Variants in SCAPER observed in about 807,000 individuals in gnomAD.
SCAPER encodes the protein S-phase cyclin A associated protein in the ER, also known as S phase cyclin A-associated protein in the endoplasmic reticulum.
A neutral mutation model predicts 182.2 loss-of-function variants in SCAPER; 98 were observed. The ratio of observed to expected loss-of-function variants is 0.54; its 90% CI spans 0.46 to 0.64. The LOEUF is 0.64. SCAPER is among the 30% of genes least tolerant of loss of function. SCAPER has a pLI of 0.00. For synonymous variants in SCAPER, 605 were observed against 564.6 expected (o/e 1.07, Z -1.01); for missense variants, 1,432 against 1,690.0 (o/e 0.85, Z 2.68).
intron 25 of SCAPER, among the ~76,000 whole-genome samples, chr15:76,455,053 C>T (rs1026067622): frequency 2.0e-5 from 3 of 151,950 alleles, no homozygotes; most frequent in Non-Finnish European, 4.4e-5. Context: ...GTTAAATTTC[C>T]CATTTTATTC....
Position 76,812,899 on chromosome 15 carries a change from GA to G in SCAPER, c.394-8267del, listed in dbSNP as rs199538401. ...TATAAATCCTTCTTAAATACTTCCA[GA>G]AAAAAAAAAATAGTAAAGGGAAGAG... is the stretch of plus-strand genomic sequence containing the variant. On this transcript the variant is annotated intron_variant, in intron 5 of 31. Transcript: ENST00000563290. 1.6e-3 allele frequency among the ~76,000 whole-genome samples: 236 copies of G among 145,080 alleles called. 3 individuals carry two copies. The highest frequency in any genetic ancestry group is 5.3e-3 in the African/African-American group (206 of 39,028).
rs539361824 is a variant in SCAPER, at chr15:76,444,535, AC to A, written c.3079-10226del. Among the ~76,000 whole-genome samples, 87 of 152,274 alleles carry A rather than the reference AC, an allele frequency of 5.7e-4. 3 individuals carry two copies. In the South Asian group the frequency reaches 0.017, roughly 31 times the overall value. ...AGAACCATTTATGTTTAATCTAATT[AC>A]CTATGTGTTAGGGCTTAAGTCCAAC... On this transcript the variant is annotated intron_variant, in intron 25 of 31. Transcript: ENST00000563290.
At chr15:76,535,800 T>C (rs559021171) in intron 23 of SCAPER, among the ~76,000 whole-genome samples, 4 of 152,238 alleles carry the variant, frequency 2.6e-5, no homozygotes, top group Admixed American at 2.6e-4. Flanking sequence ...AAAGTGGTCA[T>C]CAGTTTATGA....
chr15:76,588,537 T>A (rs1163447267), intron 22 of SCAPER, among the ~76,000 whole-genome samples: 1 of 152,204 alleles, frequency 6.6e-6, no homozygotes, highest in African/African-American at 2.4e-5. Context: ...GTTAGTGAAT[T>A]CTTACCCATT....
chr15:76,502,192 G>A (rs921082639), intron 24 of SCAPER, among the ~76,000 whole-genome samples: 2 of 152,170 alleles, frequency 1.3e-5, no homozygotes, highest in African/African-American at 4.8e-5. Context: ...ACATACATGT[G>A]TATGTGTCTT....
intron 5 of SCAPER, among the ~76,000 whole-genome samples, chr15:76,817,407 A>G (rs2067175544): frequency 6.6e-6 from 1 of 152,208 alleles, no homozygotes. Context: ...TGGTTGGTTA[A>G]CAAGGTCAGG....
intron 22 of SCAPER, among the ~76,000 whole-genome samples, chr15:76,574,514 A>C (rs1427859671): frequency 1.3e-5 from 2 of 152,224 alleles, no homozygotes; most frequent in Non-Finnish European, 2.9e-5. Context: ...TAGTATTATC[A>C]ATCTACAGGA....
chr15:76,469,474 T>C (rs2049960855), intron 25 of SCAPER, among the ~76,000 whole-genome samples: 1 of 152,198 alleles, frequency 6.6e-6, no homozygotes, highest in Non-Finnish European at 1.5e-5. Context: ...AGATCTTACT[T>C]GAATTTCCAA....
intron 29 of SCAPER, among the ~76,000 whole-genome samples, chr15:76,362,647 G>A (rs2041522263): frequency 6.6e-6 from 1 of 151,986 alleles, no homozygotes; most frequent in Non-Finnish European, 1.5e-5. Flanking sequence ...TCTTGACCTT[G>A]TGATCTACTC....
At chr15:76,540,144 T>A (rs2044600857) in intron 23 of SCAPER, among the ~76,000 whole-genome samples, 1 of 152,220 alleles carries the variant, frequency 6.6e-6, no homozygotes, top group Non-Finnish European at 1.5e-5. Flanking sequence ...TGGCCATGTT[T>A]TTTAAATTAA....
chr15:76,760,167 G>A (rs1252318007), intron 14 of SCAPER, among the ~76,000 whole-genome samples: 1 of 152,012 alleles, frequency 6.6e-6, no homozygotes, highest in Non-Finnish European at 1.5e-5. Flanking sequence ...CGCAGATTAG[G>A]GGCTCAGTCC....
At chr15:76,609,673 G>C (rs1203901895) in intron 22 of SCAPER, among the ~76,000 whole-genome samples, 3 of 152,134 alleles carry the variant, frequency 2.0e-5, no homozygotes, top group African/African-American at 2.4e-5. Context: ...TCCTCAAATT[G>C]CATGTTTTGA....
At chr15:76,656,611 A>T (rs2055657169) in intron 21 of SCAPER, among the ~76,000 whole-genome samples, 1 of 152,180 alleles carries the variant, frequency 6.6e-6, no homozygotes, top group African/African-American at 2.4e-5. Context: ...TCTCATCTGC[A>T]CAAGGCACAT....
intron 8 of SCAPER, among the ~76,000 whole-genome samples, chr15:76,780,477 C>T (rs1271307673): frequency 1.3e-5 from 2 of 152,242 alleles, no homozygotes; most frequent in Non-Finnish European, 2.9e-5. Context: ...GCAGCAGAAA[C>T]TTCTGCAGAC....
In SCAPER at chr15:76,747,153, A is replaced by G. The variant is rs546672863; in HGVS notation, c.1866+6655T>C. 2.6e-5 allele frequency among the ~76,000 whole-genome samples: 4 copies of G among 152,320 alleles called. No homozygotes were observed. In the South Asian group the frequency reaches 8.3e-4, roughly 32 times the overall value. On this transcript the variant is annotated intron_variant, in intron 15 of 31. Coordinates refer to ENST00000563290, the MANE Select transcript of SCAPER (RefSeq NM_020843.4). Reference sequence around the variant, plus strand: ...AATCAAAATAGTGTGGTACTGGCATAAGGACAGACATACAGACTGCAATGG... The same window carrying G: ...AATCAAAATAGTGTGGTACTGGCATGAGGACAGACATACAGACTGCAATGG...
chr15:76,696,975 C>G (rs1807471468), intron 20 of SCAPER, among the ~76,000 whole-genome samples: 1 of 152,122 alleles, frequency 6.6e-6, no homozygotes, highest in Non-Finnish European at 1.5e-5. Context: ...CAGCTACCTA[C>G]TATGTTTAAC....
chr15:76,473,492 C>T (rs540349424), intron 24 of SCAPER, among the ~76,000 whole-genome samples: 16 of 152,280 alleles, frequency 1.1e-4, no homozygotes, highest in Non-Finnish European at 2.1e-4. Context: ...GAGTGACCAA[C>T]GTTTATTTTG....
At chr15:76,452,082 C>T (rs568990222) in intron 25 of SCAPER, among the ~76,000 whole-genome samples, 1 of 152,248 alleles carries the variant, frequency 6.6e-6, no homozygotes, top group South Asian at 2.1e-4. Flanking sequence ...TTTAGTCCCA[C>T]TATTCCATTT....
chr15:76,763,663 C>G (rs2062934416), intron 14 of SCAPER, among the ~76,000 whole-genome samples: 1 of 151,770 alleles, frequency 6.6e-6, no homozygotes, highest in African/African-American at 2.4e-5. Context: ...TCATTCTTTT[C>G]TCTCCTCTTA....
Sources: gnomAD v4.1 joint callset for allele counts (sites outside exome capture counted in the v4.1 genomes callset) on GRCh38, gnomAD v4.1.1 for gene constraint, MANE v1.5 for transcripts, NCBI Gene and HGNC (gene_info 2026-07-23, HGNC 2026-07-21) for gene names.